Variants in SNRK observed in about 807,000 individuals in gnomAD.
SNRK encodes the protein SNF-related serine/threonine-protein kinase.
In SNRK, 3 loss-of-function variants were observed where a neutral mutation model predicts 48.2. The ratio of observed to expected loss-of-function variants is 0.06; its 90% CI spans 0.03 to 0.16. The LOEUF (loss-of-function observed/expected upper bound fraction) is 0.16. SNRK is among the 10% of genes least tolerant of loss of function. The pLI is 1.00. For synonymous variants in SNRK, 376 were observed against 366.1 expected, an observed-to-expected ratio of 1.03 and a Z score of -0.31; for missense variants, 627 against 976.0, an observed-to-expected ratio of 0.64 and a Z score of 4.76.
At chr3:43,316,895 G>C (rs1439483250) in intron 3 of SNRK, among the ~76,000 whole-genome samples, 2 of 151,898 alleles carry the variant, frequency 1.3e-5, no homozygotes, top group South Asian at 2.1e-4. Context: ...AGTGCCCCTG[G>C]TCCTGTGCAG....
At chr3:43,288,822 AGT>A (rs1039379398) in intron 1 of SNRK, among the ~76,000 whole-genome samples, 1 of 152,220 alleles carries the variant, frequency 6.6e-6, no homozygotes, top group Non-Finnish European at 1.5e-5. Flanking sequence ...TTAAAGATAG[AGT>A]GTTTATAACT....
rs572665722 is a variant in SNRK at position 43,318,537 on chromosome 3, TAA to T, written c.590-13630_590-13629del. Among the ~76,000 whole-genome samples, 40 of 109,448 alleles carry T rather than the reference TAA, an allele frequency of 3.7e-4. 1 individual carries two copies. In the South Asian group the frequency reaches 0.013, roughly 36 times the overall value. The allele number at this position is 109,448 out of a possible 152,430, so 71.8% of individuals were successfully genotyped here. ...GAAACCTTTAGGGAGTTGAAAATAT[TAA>T]ATTTTCTTTTTTTTTTTTTTAAACT... On this transcript the variant is annotated intron_variant, in intron 3 of 6. Coordinates refer to ENST00000296088, the MANE Select transcript of SNRK (RefSeq NM_017719.5).
chr3:43,319,623 A>G (rs2091039254), intron 3 of SNRK, among the ~76,000 whole-genome samples: 1 of 152,314 alleles, frequency 6.6e-6, no homozygotes, highest in African/African-American at 2.4e-5. Flanking sequence ...CTTGCTCAAT[A>G]GTAAGGTCCT....
intron 3 of SNRK, among the ~76,000 whole-genome samples, chr3:43,322,358 C>G (rs966446746): frequency 6.6e-6 from 1 of 152,114 alleles, no homozygotes; most frequent in Non-Finnish European, 1.5e-5. Flanking sequence ...CTTGACCTTT[C>G]TAAGAAAGAG....
intron 6 of SNRK, among the ~76,000 whole-genome samples, chr3:43,346,597 C>T (rs566604506): frequency 2.0e-5 from 3 of 152,308 alleles, no homozygotes; most frequent in Non-Finnish European, 2.9e-5. Context: ...TTATTTAAGG[C>T]TGGCACGGTG....
At chr3:43,320,935 T>A (rs1038003564) in intron 3 of SNRK, among the ~76,000 whole-genome samples, 3 of 151,778 alleles carry the variant, frequency 2.0e-5, no homozygotes, top group Admixed American at 6.6e-5. Context: ...TCAAGGTTTT[T>A]TTTTTTTTTT....
intron 2 of SNRK, among the ~76,000 whole-genome samples, chr3:43,301,650 A>G (rs1378250814): frequency 6.6e-6 from 1 of 152,222 alleles, no homozygotes; most frequent in Admixed American, 6.5e-5. Context: ...CTTACCTATT[A>G]TATGTCAAAT....
At chr3:43,331,628 A>G (rs1173534778) in intron 3 of SNRK, among the ~76,000 whole-genome samples, 1 of 152,088 alleles carries the variant, frequency 6.6e-6, no homozygotes, top group Non-Finnish European at 1.5e-5. Flanking sequence ...GTAATATATA[A>G]CCAGTCTTTT....
chr3:43,347,984 CAGTG>C lies in SNRK; in HGVS notation c.1728_1731del (p.Ser576ArgfsTer74). 6.2e-7 allele frequency: 1 copy of C among 1,613,838 alleles called. No individual in the cohort carries two copies. On this transcript the variant is annotated frameshift_variant, in exon 7 of 7. Transcript: ENST00000296088. LOFTEE classifies it high-confidence loss of function. The surrounding 1 kb of genome is among the most constrained non-coding windows in gnomAD (Gnocchi z 5.4). Reference sequence around the variant, plus strand: ...GGGATAGCAGCGAGGGGCCCCCTGGCAGTGAGGGGGATGGCGGGGGCCAGAGCAA... The same window carrying C: ...GGGATAGCAGCGAGGGGCCCCCTGGCAGGGGGATGGCGGGGGCCAGAGCAA...
At chr3:43,342,110 TTAAA>T (rs1285647552) in intron 5 of SNRK, among the ~76,000 whole-genome samples, 2 of 152,226 alleles carry the variant, frequency 1.3e-5, no homozygotes, top group East Asian at 1.9e-4. Context: ...CGTTCTTAGC[TTAAA>T]TAAATACATA....
chr3:43,312,888 A>C (rs1388124892), intron 3 of SNRK, among the ~76,000 whole-genome samples: 1 of 152,178 alleles, frequency 6.6e-6, no homozygotes, highest in African/African-American at 2.4e-5. Flanking sequence ...CTAACAAAAA[A>C]ATAATGATAG....
At chr3:43,321,359 A>G (rs932331301) in intron 3 of SNRK, among the ~76,000 whole-genome samples, 4 of 152,102 alleles carry the variant, frequency 2.6e-5, no homozygotes, top group Admixed American at 2.0e-4. Flanking sequence ...TTAGCTATCC[A>G]TGAATCTTAC....
At chr3:43,300,605 C>T (rs1271719523) in intron 2 of SNRK, among the ~76,000 whole-genome samples, 1 of 30,234 alleles carries the variant, frequency 3.3e-5, no homozygotes, top group African/African-American at 3.9e-5. Context: ...AAGATAGTTT[C>T]CTGCCCCCCC....
intron 3 of SNRK, among the ~76,000 whole-genome samples, chr3:43,325,319 C>T (rs1419878829): frequency 2.0e-5 from 3 of 152,162 alleles, no homozygotes; most frequent in Admixed American, 6.5e-5. Context: ...GTGCCCGCCA[C>T]CGCGCCCGGC....
At chr3:43,331,041 A>G (rs1030488206) in intron 3 of SNRK, among the ~76,000 whole-genome samples, 15 of 152,252 alleles carry the variant, frequency 9.9e-5, no homozygotes, top group African/African-American at 1.4e-4. Flanking sequence ...GGGAAATAAC[A>G]TGGAACCTAC....
chr3:43,338,904 T>C (rs899752304), intron 4 of SNRK, among the ~76,000 whole-genome samples: 3 of 152,210 alleles, frequency 2.0e-5, no homozygotes, highest in Non-Finnish European at 4.4e-5. Flanking sequence ...TTCAAGATTC[T>C]CTTTCATGTC....
At chr3:43,327,348 A>AT (rs1221856467) in intron 3 of SNRK, among the ~76,000 whole-genome samples, 1 of 152,226 alleles carries the variant, frequency 6.6e-6, no homozygotes, top group Non-Finnish European at 1.5e-5. Context: ...GTTAGGTCAT[A>AT]TGTCAGTGTC....
At chr3:43,306,327 C>T (rs910589429) in intron 3 of SNRK, among the ~76,000 whole-genome samples, 1 of 152,022 alleles carries the variant, frequency 6.6e-6, no homozygotes, top group African/African-American at 2.4e-5. Flanking sequence ...GTAAAATGAG[C>T]ATACACAAAT....
chr3:43,347,814 C>G lies in SNRK; in HGVS notation c.1555C>G (p.Pro519Ala). The change falls in exon 7 of 7, where the codon CCA becomes GCA. Residue 519 changes from proline (P) to alanine (A), a missense_variant. This residue lies in a region of SNRK where 98 missense variants were observed against 175.2 expected (regional missense o/e 0.56). Coordinates refer to ENST00000296088, the MANE Select transcript of SNRK (RefSeq NM_017719.5). This position sits in a 1 kb window ranked among gnomAD's most constrained non-coding sequence, Gnocchi z 5.4. ...CAGGTTAAAGATGAATATAGCTTCT[C>G]CAGGTACAGTTCACAAACGCTACCA... ...LSRLKMNIAS[P>A]GTVHKRYHRR... The G allele has an allele frequency of 6.2e-7, 1 of 1,614,160 alleles. No individual in the cohort carries two copies. Among genetic ancestry groups the G allele is most frequent in the Non-Finnish European group, 8.5e-7 (1 of 1,180,030 alleles).
Sources: gnomAD v4.1 joint callset for allele counts (sites outside exome capture counted in the v4.1 genomes callset) on GRCh38, gnomAD v4.1.1 for gene constraint, gnomAD v4.1.1 regional missense constraint, Gnocchi (gnomAD v3.1) non-coding constraint, MANE v1.5 for transcripts, NCBI Gene and HGNC (gene_info 2026-07-23, HGNC 2026-07-21) for gene names.